Variants in NRXN3 observed in about 807,000 individuals in gnomAD.
NRXN3 encodes neurexin III.
A neutral mutation model predicts 137.6 loss-of-function variants in NRXN3; 32 were observed. That is an observed-to-expected ratio of 0.23 (90% CI 0.18 to 0.31). The LOEUF (loss-of-function observed/expected upper bound fraction) is 0.31. Among genes scored for constraint, NRXN3 ranks in the 10% least tolerant of loss-of-function variants. The probability of loss-of-function intolerance (pLI) is 1.00; values close to 1 mark genes in which losing one functional copy is unlikely to be tolerated. For synonymous variants in NRXN3, 798 were observed against 784.5 expected (o/e 1.02, Z -0.29); for missense variants, 1,574 against 2,062.5 (o/e 0.76, Z 4.59).
At chr14:79,376,165 G>C (rs2094274451) in intron 15 of NRXN3, among the ~76,000 whole-genome samples, 1 of 134,090 alleles carries the variant, frequency 7.5e-6, no homozygotes, top group African/African-American at 2.8e-5. Flanking sequence ...GTGTATATAT[G>C]CAAGATATAT....
chr14:79,159,023 G>C (rs56128007), intron 15 of NRXN3, among the ~76,000 whole-genome samples: 70,062 of 151,590 alleles, frequency 0.46, 18,441 homozygotes, highest in East Asian at 0.61. Flanking sequence ...AAGCTCTCCT[G>C]AGTGGTTTTG....
intron 2 of NRXN3, among the ~76,000 whole-genome samples, chr14:78,268,404 C>T (rs1027103828): frequency 5.9e-5 from 9 of 152,124 alleles, no homozygotes; most frequent in African/African-American, 2.2e-4. Flanking sequence ...AATATGGCTC[C>T]TGAGATCCCA....
At chr14:78,339,271 A>C (rs912609769) in intron 4 of NRXN3, among the ~76,000 whole-genome samples, 2 of 152,152 alleles carry the variant, frequency 1.3e-5, no homozygotes, top group South Asian at 2.1e-4. Context: ...TTTCATTTTA[A>C]CTGATGAAGA....
chr14:79,008,397 T>C (rs946507031), intron 15 of NRXN3, among the ~76,000 whole-genome samples: 1 of 152,212 alleles, frequency 6.6e-6, no homozygotes, highest in African/African-American at 2.4e-5. Context: ...TTTAAAGTTT[T>C]TATTATTGAA....
intron 4 of NRXN3, among the ~76,000 whole-genome samples, chr14:78,315,708 G>T (rs1049204941): frequency 6.6e-6 from 1 of 152,144 alleles, no homozygotes; most frequent in Admixed American, 6.5e-5. Flanking sequence ...CCAAATGCCT[G>T]ATTCAATAGG....
chr14:78,404,807 T>C (rs2092374205), intron 4 of NRXN3, among the ~76,000 whole-genome samples: 1 of 152,118 alleles, frequency 6.6e-6, no homozygotes, highest in African/African-American at 2.4e-5. Context: ...GGGAGAGTAA[T>C]GTTGATTGGT....
chr14:78,464,273 C>T (rs1412655577), intron 4 of NRXN3, among the ~76,000 whole-genome samples: 1 of 152,142 alleles, frequency 6.6e-6, no homozygotes, highest in Non-Finnish European at 1.5e-5. Context: ...CCAGACTGGT[C>T]TCAAACTCTT....
rs75630653 is a variant in NRXN3, at chr14:79,391,084, A to G, written c.3263-76137A>G. Among the ~76,000 whole-genome samples, 299 of 152,256 alleles carry G rather than the reference A, an allele frequency of 2.0e-3. 1 individual carries two copies. Among genetic ancestry groups the G allele is most frequent in the African/African-American group, 6.7e-3 (277 of 41,526 alleles). ...AGAAGTAAGGCTCTGTTCTTTGTAA[A>G]TTATCCAGGCTCAGATATTCTGTTA... On this transcript the variant is annotated intron_variant, in intron 15 of 20. Coordinates refer to ENST00000335750, the MANE Select transcript of NRXN3 (RefSeq NM_001330195.2).
At chr14:79,697,202 T>C (rs2098738817) in intron 18 of NRXN3, among the ~76,000 whole-genome samples, 1 of 151,972 alleles carries the variant, frequency 6.6e-6, no homozygotes, top group South Asian at 2.1e-4. Flanking sequence ...CTCACTGAGT[T>C]TTTTTGGCCA....
Position 78,356,020 on chromosome 14 carries a change from G to A in NRXN3, c.757+58160G>A, listed in dbSNP as rs2084252804. Among the ~76,000 whole-genome samples the A allele has an allele frequency of 2.6e-5, 4 of 152,210 alleles. No individual in the cohort carries two copies. In the South Asian group the frequency reaches 8.3e-4, roughly 32 times the overall value. On this transcript the variant is annotated intron_variant, in intron 4 of 20. Coordinates refer to ENST00000335750, the MANE Select transcript of NRXN3 (RefSeq NM_001330195.2). ...CCTTTAAAGGCAGCCTCAGAGACAG[G>A]TGGCGAAAAATCTTAACTTAGTTCT... is the stretch of plus-strand genomic sequence containing the variant.
intron 4 of NRXN3, among the ~76,000 whole-genome samples, chr14:78,304,955 C>T (rs188229220): frequency 2.6e-5 from 4 of 152,338 alleles, no homozygotes; most frequent in African/African-American, 4.8e-5. Flanking sequence ...TATGAACACA[C>T]ACACACCTGC....
intron 1 of NRXN3, among the ~76,000 whole-genome samples, chr14:78,183,812 G>A (rs1404285278): frequency 6.6e-6 from 1 of 152,156 alleles, no homozygotes; most frequent in Non-Finnish European, 1.5e-5. Context: ...ATTCTGATGA[G>A]ACTAACATTT....
At chr14:79,753,750 A>T (rs1294626543) in intron 19 of NRXN3, among the ~76,000 whole-genome samples, 1 of 151,870 alleles carries the variant, frequency 6.6e-6, no homozygotes, top group Non-Finnish European at 1.5e-5. Flanking sequence ...AGAAATTTCT[A>T]ATTGAGTTGC....
At chr14:78,966,501 C>T (rs2099417552) in intron 12 of NRXN3, 95 bp downstream of exon 12, 1 of 1,279,476 alleles carries the variant, frequency 7.8e-7, no homozygotes, top group Non-Finnish European at 1.1e-6. Flanking sequence ...CTATTCTACT[C>T]CCTACCCTCC....
intron 15 of NRXN3, among the ~76,000 whole-genome samples, chr14:79,133,250 C>G (rs1217765653): frequency 6.6e-6 from 1 of 152,122 alleles, no homozygotes; most frequent in Non-Finnish European, 1.5e-5. Context: ...TAAGTCTGTC[C>G]TCTTAGGCCA....
At chr14:78,174,261 A>T (rs1465306376) in intron 1 of NRXN3, among the ~76,000 whole-genome samples, 1 of 151,966 alleles carries the variant, frequency 6.6e-6, no homozygotes. Context: ...CTCCGGGGAG[A>T]TTTGATGCCT....
chr14:78,416,701 A>C (rs915101452), intron 4 of NRXN3, among the ~76,000 whole-genome samples: 2 of 152,194 alleles, frequency 1.3e-5, no homozygotes, highest in African/African-American at 4.8e-5. Flanking sequence ...ACCGAATTAC[A>C]CTCACTTGGA....
At chr14:78,174,335 C>T (rs577136850) in intron 1 of NRXN3, among the ~76,000 whole-genome samples, 68 of 152,298 alleles carry the variant, frequency 4.5e-4, no homozygotes, top group African/African-American at 1.4e-3. Context: ...CACACCAACA[C>T]GCACAGCTCT....
At chr14:78,465,670 TG>T (rs2095079199) in intron 4 of NRXN3, among the ~76,000 whole-genome samples, 2 of 151,690 alleles carry the variant, frequency 1.3e-5, no homozygotes, top group African/African-American at 4.8e-5. Flanking sequence ...CCCGAGTAGC[TG>T]GGACAGGCAT....
Sources: gnomAD v4.1 joint callset for allele counts (sites outside exome capture counted in the v4.1 genomes callset) on GRCh38, gnomAD v4.1.1 for gene constraint, MANE v1.5 for transcripts, NCBI Gene and HGNC (gene_info 2026-07-23, HGNC 2026-07-21) for gene names.